SDK1: variants seen among roughly 807,000 people sequenced by gnomAD.
SDK1 encodes the protein sidekick cell adhesion molecule 1, also known as protein sidekick-1.
In SDK1, 157 loss-of-function variants were observed where a neutral mutation model predicts 245.5. The observed-to-expected ratio is 0.64, with a 90% CI of 0.56 to 0.73. The LOEUF (loss-of-function observed/expected upper bound fraction) is 0.73, where lower values mean the gene tolerates loss of function less well. Ranked by LOEUF, SDK1 falls within the 30% of genes least tolerant of loss-of-function variation. The pLI is 0.00. For missense variants in SDK1, 3,583 were observed against 3,002.3 expected (o/e 1.19, Z -4.52); for synonymous variants, 1,647 against 1,278.5 (o/e 1.29, Z -6.15).
At chr7:3,427,201 G>A (rs1424012171) in intron 1 of SDK1, among the ~76,000 whole-genome samples, 1 of 152,128 alleles carries the variant, frequency 6.6e-6, no homozygotes, top group Non-Finnish European at 1.5e-5. Flanking sequence ...AAATGAAAAA[G>A]TAAAACTGGT....
chr7:4,127,610 C>T (rs1284026955), intron 26 of SDK1, 114 bp downstream of exon 26: 2 of 741,366 alleles, frequency 2.7e-6, no homozygotes, highest in Non-Finnish European at 2.4e-6. Context: ...TCTGCAGCGT[C>T]AGCCAGTTTG....
intron 5 of SDK1, among the ~76,000 whole-genome samples, chr7:3,894,859 T>A (rs1027209123): frequency 6.6e-6 from 1 of 151,686 alleles, no homozygotes; most frequent in African/African-American, 2.4e-5. Context: ...CCTGGCTAAT[T>A]TTTTGTGTCT....
At chr7:3,961,118 A>G (rs567230323) in intron 8 of SDK1, among the ~76,000 whole-genome samples, 17 of 152,386 alleles carry the variant, frequency 1.1e-4, no homozygotes, top group Admixed American at 9.8e-4. Flanking sequence ...ATATAGAGAC[A>G]ACAGATCTTC....
rs568914157 is a variant in SDK1, at chr7:3,862,488, T to A, written c.847+40905T>A. On this transcript the variant is annotated intron_variant, in intron 5 of 44. Coordinates refer to ENST00000404826, the MANE Select transcript of SDK1 (RefSeq NM_152744.4). ...TAATGCATAACATAACTAGGATAAC[T>A]TTTGTAACTTTGTCAGACTTTAATG... Among the ~76,000 whole-genome samples, 409 of 152,344 alleles carry A rather than the reference T, an allele frequency of 2.7e-3. 2 individuals are homozygous for A. Among genetic ancestry groups the A allele is most frequent in the African/African-American group, 9.5e-3 (397 of 41,580 alleles).
intron 25 of SDK1, among the ~76,000 whole-genome samples, chr7:4,121,986 G>C (rs905007243): frequency 2.0e-5 from 3 of 152,134 alleles, no homozygotes; most frequent in East Asian, 1.9e-4. Context: ...GGATGATTCA[G>C]ATTCTGGACA....
chr7:3,313,474 A>T (rs1428631772), intron 1 of SDK1, among the ~76,000 whole-genome samples: 1 of 152,250 alleles, frequency 6.6e-6, no homozygotes, highest in Non-Finnish European at 1.5e-5. Flanking sequence ...ACTACTAAAA[A>T]ATGCACTTCA....
intron 1 of SDK1, among the ~76,000 whole-genome samples, chr7:3,507,346 T>G (rs1342841890): frequency 1.3e-5 from 2 of 152,180 alleles, no homozygotes; most frequent in African/African-American, 4.8e-5. Flanking sequence ...ACTCCTTCTG[T>G]TTTTGTATTC....
At chr7:3,931,582 T>C (rs1169531703) in intron 5 of SDK1, among the ~76,000 whole-genome samples, 3 of 152,172 alleles carry the variant, frequency 2.0e-5, no homozygotes, top group Non-Finnish European at 4.4e-5. Flanking sequence ...AATCCTTGCT[T>C]TCTATTCAGG....
intron 5 of SDK1, among the ~76,000 whole-genome samples, chr7:3,848,118 C>G (rs1283970147): frequency 6.6e-6 from 1 of 152,170 alleles, no homozygotes; most frequent in Non-Finnish European, 1.5e-5. Flanking sequence ...CCATCTCGAG[C>G]TGTTATGATG....
chr7:3,694,314 A>C (rs984414524), intron 4 of SDK1, among the ~76,000 whole-genome samples: 1 of 152,148 alleles, frequency 6.6e-6, no homozygotes, highest in Non-Finnish European at 1.5e-5. Flanking sequence ...TGGGCAGTGC[A>C]TGAAGGCAAG....
At chr7:3,341,995 C>T (rs1158954433) in intron 1 of SDK1, among the ~76,000 whole-genome samples, 1 of 152,092 alleles carries the variant, frequency 6.6e-6, no homozygotes, top group African/African-American at 2.4e-5. Flanking sequence ...AAGAATAAAG[C>T]AGTTGGAATC....
At chr7:3,325,881 G>T (rs1227609838) in intron 1 of SDK1, among the ~76,000 whole-genome samples, 2 of 151,052 alleles carry the variant, frequency 1.3e-5, no homozygotes, top group Non-Finnish European at 2.9e-5. Context: ...TAGAAACCAT[G>T]ACTAGGCTGC....
intron 4 of SDK1, among the ~76,000 whole-genome samples, chr7:3,807,231 T>C (rs1008000484): frequency 2.0e-5 from 3 of 152,110 alleles, no homozygotes; most frequent in African/African-American, 7.2e-5. Flanking sequence ...GACTGACAGC[T>C]GCCTAGTGGA....
chr7:3,535,633 C>T (rs903444051), intron 1 of SDK1, among the ~76,000 whole-genome samples: 1 of 152,176 alleles, frequency 6.6e-6, no homozygotes, highest in African/African-American at 2.4e-5. Flanking sequence ...TTGTAATATT[C>T]CCTCATTGTA....
chr7:3,504,995 A>G (rs1782345655), intron 1 of SDK1, among the ~76,000 whole-genome samples: 1 of 152,218 alleles, frequency 6.6e-6, no homozygotes, highest in Non-Finnish European at 1.5e-5. Context: ...AACAAAATAT[A>G]TAAAATGCCC....
intron 1 of SDK1, among the ~76,000 whole-genome samples, chr7:3,424,075 C>T: frequency 6.6e-6 from 1 of 152,056 alleles, no homozygotes; most frequent in East Asian, 1.9e-4. Context: ...CCATGCCTAG[C>T]TAATTTTTGT....
At chr7:3,433,842 A>G (rs1779938194) in intron 1 of SDK1, among the ~76,000 whole-genome samples, 1 of 152,220 alleles carries the variant, frequency 6.6e-6, no homozygotes, top group African/African-American at 2.4e-5. Flanking sequence ...CAGAGTACAT[A>G]CAAGCCGTGG....
intron 17 of SDK1, among the ~76,000 whole-genome samples, chr7:4,022,746 A>C (rs1396910255): frequency 2.0e-5 from 3 of 148,916 alleles, no homozygotes; most frequent in Admixed American, 2.0e-4. Context: ...CACTGGCCAC[A>C]CTCCTCGTTT....
intron 25 of SDK1, among the ~76,000 whole-genome samples, chr7:4,125,044 G>A (rs1467310702): frequency 1.3e-5 from 2 of 151,760 alleles, no homozygotes; most frequent in African/African-American, 2.4e-5. Flanking sequence ...ATGAATAGAT[G>A]GATGGATGGA....
Sources: allele counts gnomAD v4.1 joint callset (sites outside exome capture counted in the v4.1 genomes callset), GRCh38; gene constraint gnomAD v4.1.1; transcripts MANE v1.5; gene names NCBI Gene and HGNC (gene_info 2026-07-23, HGNC 2026-07-21).